Variants in TRIM37 observed in about 807,000 individuals in gnomAD.
TRIM37 encodes E3 ubiquitin-protein ligase TRIM37.
TRIM37 carries 80 observed loss-of-function variants against 129.8 expected under a neutral mutation model. That is an observed-to-expected ratio of 0.62 (90% CI 0.51 to 0.74). The LOEUF (loss-of-function observed/expected upper bound fraction) is 0.74, where lower values mean the gene tolerates loss of function less well. Ranked by LOEUF, TRIM37 falls within the 30% of genes least tolerant of loss-of-function variation. The pLI is 0.00. For synonymous variants in TRIM37, 389 were observed against 387.1 expected (o/e 1.00, Z -0.06); for missense variants, 1,054 against 1,176.5 (o/e 0.90, Z 1.52).
chr17:59,021,130 G>C (rs1427487073), intron 19 of TRIM37, among the ~76,000 whole-genome samples: 1 of 152,144 alleles, frequency 6.6e-6, no homozygotes, highest in African/African-American at 2.4e-5. Flanking sequence ...GGTAGCTCAC[G>C]CCCGTAATCT....
chr17:59,090,689 G>A (rs977506275), intron 3 of TRIM37, among the ~76,000 whole-genome samples: 3 of 151,912 alleles, frequency 2.0e-5, no homozygotes, highest in African/African-American at 7.3e-5. Flanking sequence ...GCAGCAGTAC[G>A]ATCTCAGCTC....
At chr17:58,973,028 G>A in the TRIM37 span, 1 of 710,682 alleles carries the variant, frequency 1.4e-6, no homozygotes, top group Non-Finnish European at 2.4e-6. Flanking sequence ...TATGTTACCA[G>A]AATGCTTATT....
At chr17:59,018,682 T>C (rs968576591) in intron 19 of TRIM37, among the ~76,000 whole-genome samples, 1 of 150,910 alleles carries the variant, frequency 6.6e-6, no homozygotes, top group African/African-American at 2.4e-5. Flanking sequence ...TTAAAATTGA[T>C]CTACCGATTC....
At chr17:59,037,893 C>CT (rs776699529) in intron 17 of TRIM37, among the ~76,000 whole-genome samples, 3 of 152,238 alleles carry the variant, frequency 2.0e-5, no homozygotes, top group East Asian at 1.9e-4. Context: ...GTCTCTCAGA[C>CT]TTTCCTTATG....
chr17:59,005,981 ACTTTC>A (rs774252600), intron 22 of TRIM37, among the ~76,000 whole-genome samples: 5 of 152,308 alleles, frequency 3.3e-5, no homozygotes, highest in Non-Finnish European at 7.4e-5. Flanking sequence ...TCCAGTTTTT[ACTTTC>A]AACTTGCCCT....
intron 19 of TRIM37, among the ~76,000 whole-genome samples, chr17:59,024,214 CAAAAA>C (rs1237722939): frequency 1.3e-5 from 1 of 74,964 alleles, no homozygotes; most frequent in Non-Finnish European, 2.5e-5. Flanking sequence ...AATTCCGTAT[CAAAAA>C]AAAAAAAAAA....
intron 24 of TRIM37, among the ~76,000 whole-genome samples, chr17:58,987,757 T>C (rs1300708660): frequency 6.6e-6 from 1 of 152,210 alleles, no homozygotes; most frequent in Non-Finnish European, 1.5e-5. Context: ...TCTAATCTTA[T>C]CACCTTTATA....
At chr17:59,035,370 T>C (rs563505355) in intron 17 of TRIM37, among the ~76,000 whole-genome samples, 1 of 152,280 alleles carries the variant, frequency 6.6e-6, no homozygotes, top group Non-Finnish European at 1.5e-5. Flanking sequence ...TCATTATTAT[T>C]GTGCAGCATC....
chr17:58,996,782 G>GTA (rs1457229314), downstream of TRIM37, among the ~76,000 whole-genome samples: 3,645 of 133,988 alleles, frequency 0.027, 121 homozygotes, highest in African/African-American at 0.072. Flanking sequence ...AAAAAAAAAA[G>GTA]TATATATATA....
chr17:59,034,446 G>C (rs1185290912), intron 17 of TRIM37, among the ~76,000 whole-genome samples: 1 of 151,384 alleles, frequency 6.6e-6, no homozygotes, highest in African/African-American at 2.4e-5. Flanking sequence ...ACGGAGTCTT[G>C]CCTCCCAGGT....
Position 59,041,996 on chromosome 17 carries a change from A to T in TRIM37, c.1668-98T>A, listed in dbSNP as rs1159716595. On this transcript the variant is annotated intron_variant, in intron 16 of 23. Transcript: ENST00000262294. Reference sequence around the variant, plus strand: ...TTATGATATGCAGATTTTTCTGTGAAATAAGATATTTCTAAATACAAAAAG... The same window carrying T: ...TTATGATATGCAGATTTTTCTGTGATATAAGATATTTCTAAATACAAAAAG... The T allele has an allele frequency of 1.1e-5, 9 of 818,264 alleles. No individual in the cohort carries two copies. The East Asian group carries it at 2.1e-4, about 19-fold the overall frequency. 50.7% of individuals were successfully genotyped at this position (818,264 alleles called of 1,614,324 possible).
At chr17:58,970,717 A>C in the TRIM37 span, among the ~76,000 whole-genome samples, 2 of 152,068 alleles carry the variant, frequency 1.3e-5, no homozygotes, top group Admixed American at 6.5e-5. Flanking sequence ...AGTAACCAGT[A>C]GAGTCCACAC....
intron 2 of TRIM37, among the ~76,000 whole-genome samples, chr17:59,092,212 G>C (rs531687074): frequency 6.6e-6 from 1 of 152,010 alleles, no homozygotes; most frequent in African/African-American, 2.4e-5. Context: ...GGCCAACATG[G>C]TGAAACCCCG....
chr17:58,989,930 A>T (rs1299357571), intron 24 of TRIM37, among the ~76,000 whole-genome samples: 1 of 152,094 alleles, frequency 6.6e-6, no homozygotes, highest in Non-Finnish European at 1.5e-5. Context: ...TCACACCTGT[A>T]ACCCCAGCAC....
In TRIM37 at chr17:59,062,291, T is replaced by C. The variant is rs2041559694; in HGVS notation, c.942+276A>G. Among the ~76,000 whole-genome samples the C allele has an allele frequency of 3.3e-5, 5 of 152,168 alleles. No individual in the cohort carries two copies. The South Asian group carries it at 8.3e-4, about 25-fold the overall frequency. Reference sequence around the variant, plus strand: ...CCAAGGATTTTATATCCAGCAATACTAGCCTTAGAATATAAAAGGCAAAAA... The same window carrying C: ...CCAAGGATTTTATATCCAGCAATACCAGCCTTAGAATATAAAAGGCAAAAA... On this transcript the variant is annotated intron_variant, in intron 11 of 23. Transcript: ENST00000262294.
chr17:59,103,650 GTT>G (rs768853417), intron 2 of TRIM37, among the ~76,000 whole-genome samples: 7 of 118,956 alleles, frequency 5.9e-5, no homozygotes, highest in Admixed American at 9.0e-5. Flanking sequence ...CAACATTCAA[GTT>G]TTTTTTTTTT....
intron 24 of TRIM37, chr17:58,984,029 G>A (rs1000968741): frequency 1.3e-5 from 2 of 152,520 alleles, no homozygotes; most frequent in African/African-American, 4.8e-5. Flanking sequence ...ACACACACTG[G>A]GGCTATTAAT....
At position 59,028,424 on chromosome 17, in the gene TRIM37, T is replaced by G; in HGVS notation, c.2248A>C (p.Ile750Leu). 1 of 1,612,454 alleles carries G rather than the reference T, an allele frequency of 6.2e-7. No homozygotes were observed. Among genetic ancestry groups the G allele is most frequent in the Non-Finnish European group, 8.5e-7 (1 of 1,179,958 alleles). Residue 750 changes from isoleucine (I) to leucine (L), a missense_variant, in exon 19 of 24, where the codon ATA becomes CTA. By Grantham distance (5) the Ile-to-Leu change is conservative (BLOSUM62 2). Coordinates refer to ENST00000262294, the MANE Select transcript of TRIM37 (RefSeq NM_015294.6). Reference sequence around the variant, plus strand: ...GGAACATATTACTTACAGTTTCGTATGTAACAATTGGCAACTGATGACTTT... The same window carrying G: ...GGAACATATTACTTACAGTTTCGTAGGTAACAATTGGCAACTGATGACTTT... Reference protein sequence around the residue: ...LAKSSVANCYIRNSTNKKSNS... With the variant: ...LAKSSVANCYLRNSTNKKSNS...
intron 1 of TRIM37, among the ~76,000 whole-genome samples, chr17:59,105,084 T>A: frequency 8.0e-6 from 1 of 124,658 alleles, no homozygotes; most frequent in Non-Finnish European, 1.6e-5. Flanking sequence ...AGAGTGAGAT[T>A]CTGTCTCAAA....
Sources: gnomAD v4.1 joint callset for allele counts (sites outside exome capture counted in the v4.1 genomes callset) on GRCh38, gnomAD v4.1.1 for gene constraint, MANE v1.5 for transcripts, NCBI Gene and HGNC (gene_info 2026-07-23, HGNC 2026-07-21) for gene names.